The following MYRFL variants were observed in gnomAD, a reference collection of about 807,000 sequenced individuals.
The protein encoded by MYRFL is myelin regulatory factor-like protein.
Under a neutral mutation model 109.4 loss-of-function variants are expected in MYRFL, and 88 were observed. The observed-to-expected ratio is 0.80, with a 90% CI of 0.68 to 0.96. The LOEUF (loss-of-function observed/expected upper bound fraction) is 0.96. Among genes scored for constraint, MYRFL ranks in the 40% least tolerant of loss-of-function variants. The probability of loss-of-function intolerance (pLI) is 0.00; values close to 1 mark genes in which losing one functional copy is unlikely to be tolerated. For synonymous variants in MYRFL, 324 were observed against 320.9 expected (o/e 1.01, Z -0.10); for missense variants, 957 against 954.9 (o/e 1.00, Z -0.03).
At chr12:69,848,837 A>G (rs555914753) in intron 1 of MYRFL, among the ~76,000 whole-genome samples, 7 of 152,294 alleles carry the variant, frequency 4.6e-5, no homozygotes, top group Admixed American at 1.3e-4. Flanking sequence ...AATTTTCTAA[A>G]TCATTAAACA....
rs1302086557 is a variant in MYRFL, at chr12:69,910,071, C to G, written c.1486C>G (p.Gln496Glu). The change falls in exon 12 of 25, where the codon CAA becomes GAA. Residue 496 changes from glutamine (Q) to glutamate (E), a missense_variant. Transcript: ENST00000552032. ...TGCAATGGGAATAAACACTGCCCATCAAACAGGTACACACACAAATTCCCC... is the reference window on the plus strand; with the variant it reads ...TGCAATGGGAATAAACACTGCCCATGAAACAGGTACACACACAAATTCCCC... ...ASAMGINTAH[Q>E]TGMIAQEVQE... The G allele has an allele frequency of 5.3e-6, 8 of 1,513,686 alleles. No individual in the cohort carries two copies. Among genetic ancestry groups the G allele is most frequent in the Non-Finnish European group, 7.0e-6 (8 of 1,136,448 alleles). 93.8% of individuals were successfully genotyped at this position (1,513,686 alleles called of 1,614,324 possible).
In MYRFL at chr12:69,951,276, G is replaced by A. The variant is rs371421599; in HGVS notation, c.2225-837G>A. 7.2e-5 allele frequency among the ~76,000 whole-genome samples: 11 copies of A among 152,258 alleles called. No individual in the cohort carries two copies. In the East Asian group the frequency reaches 1.9e-3, roughly 27 times the overall value. Reference sequence around the variant, plus strand: ...TATTTTCTCACAGTTCTGGTGGCTGGAAGTCCAAGACCAAGGTGTCAGCAG... The same window carrying A: ...TATTTTCTCACAGTTCTGGTGGCTGAAAGTCCAAGACCAAGGTGTCAGCAG... On this transcript the variant is annotated intron_variant, in intron 19 of 24. Coordinates refer to ENST00000552032, the MANE Select transcript of MYRFL (RefSeq NM_182530.3).
intron 1 of MYRFL, among the ~76,000 whole-genome samples, chr12:69,826,546 C>A (rs144562816): frequency 6.6e-6 from 1 of 152,024 alleles, no homozygotes; most frequent in Non-Finnish European, 1.5e-5. Context: ...ACCTGAATAT[C>A]GAATTTGGTC....
intron 2 of MYRFL, among the ~76,000 whole-genome samples, chr12:69,869,971 C>A (rs555687069): frequency 6.6e-6 from 1 of 152,172 alleles, no homozygotes; most frequent in Admixed American, 6.5e-5. Flanking sequence ...TAGATTCAAC[C>A]CCTGGGAGAT....
At chr12:69,892,545 G>A (rs571658849) in intron 7 of MYRFL, among the ~76,000 whole-genome samples, 364 of 152,290 alleles carry the variant, frequency 2.4e-3, no homozygotes, top group African/African-American at 8.6e-3. Context: ...CAAAGTGTTG[G>A]AATTACAGGC....
rs781097459 is a variant in MYRFL, at chr12:69,891,085, T to C, written c.822T>C (p.Val274=). ...TCCAGATAACCATTCACATCCAAGT[T>C]TGGGGAAGTCCAAAATTTGTTGAAA... is the stretch of plus-strand genomic sequence containing the variant. ...NHFQITIHIQ[V]WGSPKFVETE... Residue 274 remains valine (V), a synonymous_variant, in exon 7 of 25, where the codon GTT becomes GTC. Transcript: ENST00000552032. The C allele has an allele frequency of 6.5e-7, 1 of 1,534,974 alleles. No homozygotes were observed. Among genetic ancestry groups the C allele is most frequent in the African/African-American group, 1.4e-5 (1 of 72,984 alleles).
At chr12:69,955,520 T>C (rs1956073247) in intron 22 of MYRFL, 83 bp downstream of exon 22, 5 of 540,142 alleles carry the variant, frequency 9.3e-6, no homozygotes, top group Non-Finnish European at 1.6e-5. Context: ...ATTTGGTCAG[T>C]CGTTAAGAGG....
chr12:69,868,283 A>AT (rs1276056164), intron 2 of MYRFL, among the ~76,000 whole-genome samples: 41 of 142,900 alleles, frequency 2.9e-4, no homozygotes, highest in South Asian at 1.4e-3. Flanking sequence ...ATTTTTTTGT[A>AT]TTTTTTTTTT....
chr12:69,936,168 G>T lies in MYRFL; in HGVS notation c.1972G>T (p.Val658Phe). 1 of 1,410,796 alleles carries T rather than the reference G, an allele frequency of 7.1e-7. No homozygotes were observed. Among genetic ancestry groups the T allele is most frequent in the Non-Finnish European group, 9.3e-7 (1 of 1,075,130 alleles). 87.4% of individuals were successfully genotyped at this position (1,410,796 alleles called of 1,614,324 possible). The change falls in exon 17 of 25, where the codon GTC becomes TTC. Residue 658 changes from valine to phenylalanine, a missense_variant. Transcript: ENST00000552032. ...TAGCTTAAAAGATCAAGACCGACGT[G>T]TCCCAAATCTCCCTCCAAGGTGAGA... Reference protein sequence around the residue: ...ILSLKDQDRRVPNLPPSNITS... With the variant: ...ILSLKDQDRRFPNLPPSNITS...
chr12:69,955,175 A>C lies in MYRFL; in HGVS notation c.2376-188A>C, dbSNP rs1956064791. 2.0e-5 allele frequency among the ~76,000 whole-genome samples: 3 copies of C among 152,112 alleles called. No individual in the cohort carries two copies. In the South Asian group the frequency reaches 6.2e-4, roughly 32 times the overall value. On this transcript the variant is annotated intron_variant, in intron 21 of 24. Coordinates refer to ENST00000552032, the MANE Select transcript of MYRFL (RefSeq NM_182530.3). ...TATTTTATATTAAGACCTGAAAGAG[A>C]TCACTCTGAATTTGACAGGTATATC...
At chr12:69,842,571 A>T (rs1033771519) in intron 1 of MYRFL, among the ~76,000 whole-genome samples, 1 of 152,226 alleles carries the variant, frequency 6.6e-6, no homozygotes, top group Non-Finnish European at 1.5e-5. Context: ...AAATAAAAGC[A>T]CATACAGCTG....
intron 6 of MYRFL, among the ~76,000 whole-genome samples, chr12:69,887,322 T>G (rs925081845): frequency 6.6e-6 from 1 of 152,230 alleles, no homozygotes; most frequent in African/African-American, 2.4e-5. Flanking sequence ...TATAATGCCA[T>G]AAAATACTTT....
chr12:69,932,630 A>C, intron 16 of MYRFL, 32 bp downstream of exon 16: 1 of 1,460,378 alleles, frequency 6.8e-7, no homozygotes, highest in Non-Finnish European at 9.3e-7. Flanking sequence ...TGCCATGTCA[A>C]GCTCTTTTGT....
intron 11 of MYRFL, among the ~76,000 whole-genome samples, chr12:69,907,539 G>A (rs1373178942): frequency 6.6e-6 from 1 of 152,294 alleles, no homozygotes; most frequent in East Asian, 1.9e-4. Flanking sequence ...ACTCACAGGG[G>A]CCTATGGCTG....
rs962397395 is a variant in MYRFL, at chr12:69,886,818, A to G, written c.557-2A>G. ...GGCTCTGACGCACCTGTTTCTTTGCAGTGACAAGTAGGAGTCGCAGCAGTG... is the reference window on the plus strand; with the variant it reads ...GGCTCTGACGCACCTGTTTCTTTGCGGTGACAAGTAGGAGTCGCAGCAGTG... On this transcript the variant is annotated splice_acceptor_variant, in intron 5 of 24. Coordinates refer to ENST00000552032, the MANE Select transcript of MYRFL (RefSeq NM_182530.3). LOFTEE classifies it high-confidence loss of function. The G allele has an allele frequency of 1.3e-6, 2 of 1,535,700 alleles. No homozygotes were observed. Among genetic ancestry groups the G allele is most frequent in the African/African-American group, 1.4e-5 (1 of 73,032 alleles).
At chr12:69,862,078 T>A (rs1351907139) in intron 2 of MYRFL, among the ~76,000 whole-genome samples, 2 of 150,472 alleles carry the variant, frequency 1.3e-5, no homozygotes, top group Admixed American at 1.3e-4. Flanking sequence ...GCATTATTTC[T>A]GAGGGCTCTG....
intron 6 of MYRFL, 82 bp from the exon 7 acceptor site, chr12:69,890,889 T>C: frequency 9.4e-7 from 1 of 1,062,746 alleles, no homozygotes; most frequent in East Asian, 3.1e-5. Flanking sequence ...TTTCTTGAAA[T>C]GTTTATACAA....
At chr12:69,840,360 C>T (rs1883175810) in intron 1 of MYRFL, among the ~76,000 whole-genome samples, 1 of 152,160 alleles carries the variant, frequency 6.6e-6, no homozygotes, top group Admixed American at 6.5e-5. Flanking sequence ...GTTATTCTCC[C>T]AGGTACAAAT....
At chr12:69,894,020 G>T (rs1001044647) in intron 8 of MYRFL, among the ~76,000 whole-genome samples, 180 bp downstream of exon 8, 20 of 62,184 alleles carry the variant, frequency 3.2e-4, no homozygotes, top group East Asian at 9.0e-4. Flanking sequence ...TTTTGAGAAA[G>T]AATTTTGCTC....
Sources: gnomAD v4.1 joint callset for allele counts (sites outside exome capture counted in the v4.1 genomes callset) on GRCh38, gnomAD v4.1.1 for gene constraint, MANE v1.5 for transcripts, NCBI Gene and HGNC (gene_info 2026-07-23, HGNC 2026-07-21) for gene names.